Variants in HDAC4 observed in about 807,000 individuals in gnomAD.
The protein encoded by HDAC4 is histone deacetylase A.
Under a neutral mutation model 135.1 loss-of-function variants are expected in HDAC4, and 16 were observed. The ratio of observed to expected loss-of-function variants is 0.12; its 90% confidence interval spans 0.08 to 0.18. The LOEUF (loss-of-function observed/expected upper bound fraction) is 0.18. Ranked by LOEUF, HDAC4 falls within the 10% of genes least tolerant of loss-of-function variation. The pLI, the probability that HDAC4 is intolerant of heterozygous loss-of-function variation, is 1.00. For missense variants in HDAC4, 1,143 were observed against 1,511.8 expected (o/e 0.76, Z 4.05); for synonymous variants, 685 against 653.4 (o/e 1.05, Z -0.74).
rs960159090 is a variant in HDAC4 at position 239,049,260 on chromosome 2, G to A, written c.*3837C>T. The A allele has an allele frequency of 2.0e-5, 3 of 152,368 alleles. No individual in the cohort carries two copies. Among genetic ancestry groups the A allele is most frequent in the East Asian group, 1.9e-4 (1 of 5,188 alleles). The allele number at this position is 152,368 out of a possible 1,614,324, so 9.4% of individuals were successfully genotyped here. A position where few individuals can be genotyped will look rare whatever the true frequency, so the allele number is the denominator to read the frequency against. ...AGTTCAATAAGACGCAAACTTCCCC[G>A]CCCTCCTCTCCTTCAAGGTTTTGTT... On this transcript the variant is annotated 3_prime_UTR_variant, in exon 27 of 27. Transcript: ENST00000543185.
At chr2:239,379,995 T>C (rs577555663) in intron 1 of HDAC4, among the ~76,000 whole-genome samples, 141 of 152,224 alleles carry the variant, frequency 9.3e-4, no homozygotes, top group East Asian at 4.3e-3. Context: ...TGGTGGAGTG[T>C]GGCCAGCCTG....
intron 8 of HDAC4, among the ~76,000 whole-genome samples, chr2:239,142,954 C>T (rs1017231491): frequency 2.0e-5 from 3 of 151,112 alleles, no homozygotes; most frequent in Admixed American, 6.6e-5. Context: ...TGATCACGCC[C>T]TGTGACGCAT....
intron 16 of HDAC4, 186 bp downstream of exon 16, chr2:239,102,590 C>A: frequency 1.6e-6 from 1 of 638,690 alleles, no homozygotes; most frequent in Non-Finnish European, 2.7e-6. Flanking sequence ...ACACCTGCTA[C>A]CTGGCACGTT....
intron 19 of HDAC4, 117 bp downstream of exon 19, chr2:239,087,441 TG>T (rs1042244631): frequency 1.0e-6 from 1 of 987,900 alleles, no homozygotes; most frequent in African/African-American, 1.6e-5. Flanking sequence ...CGGCACATCC[TG>T]GGTGGCCAGC....
At chr2:239,390,764 G>C (rs146380450) in intron 1 of HDAC4, among the ~76,000 whole-genome samples, 4 of 152,072 alleles carry the variant, frequency 2.6e-5, no homozygotes, top group Middle Eastern at 3.2e-3. Context: ...CTGGAGCCCC[G>C]AGCCTGGACC....
At chr2:239,149,885 T>G (rs915393348) in intron 7 of HDAC4, among the ~76,000 whole-genome samples, 8 of 152,184 alleles carry the variant, frequency 5.3e-5, no homozygotes, top group Non-Finnish European at 2.9e-5. Context: ...ACTCTCAGGC[T>G]GCTGGGGAGG....
intron 22 of HDAC4, among the ~76,000 whole-genome samples, chr2:239,071,201 T>C (rs1194328157): frequency 6.6e-6 from 1 of 152,110 alleles, no homozygotes; most frequent in Non-Finnish European, 1.5e-5. Context: ...GCAGATCACC[T>C]GAGGTCAGGA....
chr2:239,136,052 G>A (rs2040932558), intron 9 of HDAC4, among the ~76,000 whole-genome samples: 1 of 152,154 alleles, frequency 6.6e-6, no homozygotes, highest in Admixed American at 6.5e-5. Context: ...AAGGACAATA[G>A]TTTATCACCA....
At position 239,307,369 on chromosome 2, in the gene HDAC4, G is replaced by A. The variant is rs185270659; in HGVS notation, c.22+45309C>T. ...GGCCCCAACACAAGAGCGGCTCTCC[G>A]TGATGCCCAGAGGCGGCCACTGGGC... On this transcript the variant is annotated intron_variant, in intron 2 of 26. Coordinates refer to ENST00000543185, the MANE Select transcript of HDAC4 (RefSeq NM_001378414.1). The surrounding 1 kb of genome is among the most constrained non-coding windows in gnomAD (Gnocchi z 4.8). Among the ~76,000 whole-genome samples, 69 of 152,286 alleles carry A rather than the reference G, an allele frequency of 4.5e-4. No homozygotes were observed. Among genetic ancestry groups the A allele is most frequent in the Admixed American group, 1.6e-3 (25 of 15,306 alleles).
chr2:239,278,878 G>A (rs1384477328), intron 2 of HDAC4, among the ~76,000 whole-genome samples: 3 of 152,176 alleles, frequency 2.0e-5, no homozygotes, highest in Non-Finnish European at 4.4e-5. Context: ...GCCAGGTGCA[G>A]TAGTGTGGAC....
chr2:239,364,816 A>G (rs2125981570), intron 1 of HDAC4, among the ~76,000 whole-genome samples: 1 of 152,248 alleles, frequency 6.6e-6, no homozygotes, highest in East Asian at 1.9e-4. Context: ...GTATTTTATA[A>G]TTCTTGCCAC....
rs1438109680 is a variant in HDAC4 at position 239,126,609 on chromosome 2, C to T, written c.1380G>A (p.Lys460=). ...GCCCCAGTGGGCGGTGCTGCCGCAG[C>T]TTGTGGATGGAGGGGGACACCCGGT... ...GADRVSPSIH[K]LRQHRPLGRT... is the part of the protein sequence containing the mutation. Residue 460 remains lysine, a synonymous_variant, in exon 12 of 27, where the codon AAG becomes AAA. Coordinates refer to ENST00000543185, the MANE Select transcript of HDAC4 (RefSeq NM_001378414.1). 6.2e-7 allele frequency: 1 copy of T among 1,614,014 alleles called. No individual in the cohort carries two copies. The highest frequency in any genetic ancestry group is 1.3e-5 in the African/African-American group (1 of 75,068).
chr2:239,232,502 C>T (rs536824129), intron 3 of HDAC4, among the ~76,000 whole-genome samples: 23 of 152,230 alleles, frequency 1.5e-4, no homozygotes, highest in African/African-American at 5.5e-4. Context: ...ACCATGTCTC[C>T]GCCTGGGATC....
intron 16 of HDAC4, among the ~76,000 whole-genome samples, chr2:239,096,772 C>T (rs1285897240): frequency 1.3e-5 from 2 of 150,570 alleles, no homozygotes; most frequent in African/African-American, 4.9e-5. Context: ...CAGACACCCA[C>T]ATGTCCCACA....
rs1253227190 is a variant in HDAC4, at chr2:239,303,856, C to T, written c.22+48822G>A. 6.6e-6 allele frequency among the ~76,000 whole-genome samples: 1 copy of T among 152,192 alleles called. No individual in the cohort carries two copies. Among genetic ancestry groups the T allele is most frequent in the African/African-American group, 2.4e-5 (1 of 41,432 alleles). On this transcript the variant is annotated intron_variant, in intron 2 of 26. Coordinates refer to ENST00000543185, the MANE Select transcript of HDAC4 (RefSeq NM_001378414.1). This position sits in a 1 kb window ranked among gnomAD's most constrained non-coding sequence, Gnocchi z 5.1. ...CGTGCCAAGGGCTTCTCCGGGACCC[C>T]AGATACCCACCAGACCCTACAGGCC...
At position 239,052,696 on chromosome 2, in the gene HDAC4, CAA is replaced by C. The variant is rs1447694688; in HGVS notation, c.*399_*400del. The C allele has an allele frequency of 5.1e-5, 13 of 253,708 alleles. No homozygotes were observed. The highest frequency in any genetic ancestry group is 1.0e-4 in the Admixed American group (2 of 19,916). The allele number at this position is 253,708 out of a possible 1,614,324, so 15.7% of individuals were successfully genotyped here. A position where few individuals can be genotyped will look rare whatever the true frequency, so the allele number is the denominator to read the frequency against. The stretch of plus-strand genomic sequence containing the variant: ...ATAAACTTTAAGCACCAGTTTTAAT[CAA>C]GTTTGTTTTGTATTATTAGATCTTT... On this transcript the variant is annotated 3_prime_UTR_variant, in exon 27 of 27. Transcript: ENST00000543185.
intron 3 of HDAC4, among the ~76,000 whole-genome samples, chr2:239,218,646 C>T (rs2153115380): frequency 6.7e-6 from 1 of 149,716 alleles, no homozygotes; most frequent in African/African-American, 2.5e-5. Flanking sequence ...AGAGCTTCTG[C>T]ACAGCAAAAG....
At position 239,328,132 on chromosome 2, in the gene HDAC4, A is replaced by G. The variant is rs542401390; in HGVS notation, c.22+24546T>C. Among the ~76,000 whole-genome samples, 55 of 152,302 alleles carry G rather than the reference A, an allele frequency of 3.6e-4. 1 individual carries two copies. The highest frequency in any genetic ancestry group is 5.7e-4 in the Non-Finnish European group (39 of 68,026). On this transcript the variant is annotated intron_variant, in intron 2 of 26. Coordinates refer to ENST00000543185, the MANE Select transcript of HDAC4 (RefSeq NM_001378414.1). ...AGCAGGGGCTCAATCAATACTTGCC[A>G]AATGCCTGAATCAGCCCTGAAATGA...
At chr2:239,174,994 T>C (rs6543514) in intron 5 of HDAC4, among the ~76,000 whole-genome samples, 25,850 of 152,178 alleles carry the variant, frequency 0.17, 2,462 homozygotes, top group East Asian at 0.28. Flanking sequence ...GGGAAGTGCA[T>C]AAGGACTTCT....
Sources: gnomAD v4.1 joint callset for allele counts (sites outside exome capture counted in the v4.1 genomes callset) on GRCh38, gnomAD v4.1.1 for gene constraint, Gnocchi (gnomAD v3.1) non-coding constraint, MANE v1.5 for transcripts, NCBI Gene and HGNC (gene_info 2026-07-23, HGNC 2026-07-21) for gene names.